The following ZNF385D variants were observed in gnomAD, a reference collection of about 807,000 sequenced individuals.
ZNF385D encodes the protein zinc finger protein 385D, also known as zinc finger protein 659.
In ZNF385D, 15 loss-of-function variants were observed where a neutral mutation model predicts 35.8. The ratio of observed to expected loss-of-function variants is 0.42; its 90% confidence interval spans 0.28 to 0.64. The LOEUF is 0.64. Ranked by LOEUF, ZNF385D falls within the 30% of genes least tolerant of loss-of-function variation. The pLI is 0.23. For missense variants in ZNF385D, 474 were observed against 494.6 expected (o/e 0.96, Z 0.39); for synonymous variants, 212 against 186.8 (o/e 1.13, Z -1.10).
chr3:21,504,936 CAGTT>C (rs1408066267), intron 4 of ZNF385D, among the ~76,000 whole-genome samples: 1 of 152,048 alleles, frequency 6.6e-6, no homozygotes, highest in African/African-American at 2.4e-5. Context: ...GGTGTGGAGG[CAGTT>C]AGACCTGCAT....
At chr3:21,959,750 T>A (rs1419959296) in intron 3 of ZNF385D, among the ~76,000 whole-genome samples, 3 of 152,138 alleles carry the variant, frequency 2.0e-5, no homozygotes, top group Admixed American at 6.5e-5. Context: ...GAAGGTAACT[T>A]ATTTAACTGC....
At chr3:22,058,870 T>C (rs979039833) in intron 3 of ZNF385D, among the ~76,000 whole-genome samples, 1 of 152,218 alleles carries the variant, frequency 6.6e-6, no homozygotes, top group Non-Finnish European at 1.5e-5. Flanking sequence ...TGGGGACCAC[T>C]ATCCACCTCC....
At position 22,063,031 on chromosome 3, in the gene ZNF385D, AT is replaced by A. The variant is rs528368566; in HGVS notation, c.325+105785del. Among the ~76,000 whole-genome samples, 1,172 of 151,874 alleles carry A rather than the reference AT, an allele frequency of 7.7e-3. 12 individuals are homozygous for A. Among genetic ancestry groups the A allele is most frequent in the African/African-American group, 0.026 (1,084 of 41,426 alleles). On this transcript the variant is annotated intron_variant, in intron 3 of 5. Transcript: ENST00000494108. The stretch of plus-strand genomic sequence containing the variant: ...TGACTCACAGAAATTACACGGGATA[AT>A]TTTTTTTTATTTAATCCATTAATCT...
intron 3 of ZNF385D, among the ~76,000 whole-genome samples, chr3:22,028,618 T>C (rs1246675537): frequency 6.6e-6 from 1 of 152,218 alleles, no homozygotes; most frequent in Non-Finnish European, 1.5e-5. Flanking sequence ...GGTTTGCCTA[T>C]CCTGCACACA....
chr3:21,653,767 T>C (rs2065991876), intron 2 of ZNF385D, among the ~76,000 whole-genome samples: 1 of 151,616 alleles, frequency 6.6e-6, no homozygotes, highest in Non-Finnish European at 1.5e-5. Context: ...AGTAGAACTA[T>C]CCGGAAAAAA....
chr3:22,352,467 G>T (rs1195497643), intron 2 of ZNF385D, among the ~76,000 whole-genome samples: 7 of 152,184 alleles, frequency 4.6e-5, no homozygotes. Flanking sequence ...TGAAAAATGT[G>T]ATTCACAGCC....
At chr3:21,901,922 T>C (rs1699435578) in intron 3 of ZNF385D, among the ~76,000 whole-genome samples, 1 of 152,156 alleles carries the variant, frequency 6.6e-6, no homozygotes, top group East Asian at 1.9e-4. Flanking sequence ...AAAACTACCA[T>C]GTTTAGTTCC....
intron 3 of ZNF385D, among the ~76,000 whole-genome samples, chr3:21,964,062 T>C (rs1702744659): frequency 6.6e-6 from 1 of 152,106 alleles, no homozygotes; most frequent in Non-Finnish European, 1.5e-5. Context: ...CTTTGGAATA[T>C]AATAAAAGGT....
intron 2 of ZNF385D, among the ~76,000 whole-genome samples, chr3:22,341,397 A>G (rs1695413994): frequency 6.6e-6 from 1 of 152,134 alleles, no homozygotes; most frequent in Admixed American, 6.5e-5. Context: ...TGTGACAGAG[A>G]TCATAGGGCC....
intron 2 of ZNF385D, among the ~76,000 whole-genome samples, chr3:22,283,362 A>T (rs569559738): frequency 6.6e-6 from 1 of 152,284 alleles, no homozygotes; most frequent in East Asian, 1.9e-4. Context: ...CATTCTACCC[A>T]ACAACTGCAG....
intron 3 of ZNF385D, among the ~76,000 whole-genome samples, chr3:21,996,947 C>T (rs9310677): frequency 0.072 from 11,008 of 151,942 alleles, 1,291 homozygotes; most frequent in African/African-American, 0.25. Flanking sequence ...TGTTTCCAAA[C>T]GACAAATATA....
At chr3:21,560,672 G>C (rs894259713) in intron 3 of ZNF385D, among the ~76,000 whole-genome samples, 1 of 152,210 alleles carries the variant, frequency 6.6e-6, no homozygotes, top group Non-Finnish European at 1.5e-5. Flanking sequence ...CTCGAACGCT[G>C]TGCTGGGAGA....
chr3:22,060,527 G>A (rs1363555732), intron 3 of ZNF385D, among the ~76,000 whole-genome samples: 1 of 152,058 alleles, frequency 6.6e-6, no homozygotes, highest in Non-Finnish European at 1.5e-5. Context: ...TTTTCATTTT[G>A]TAAAGCATGT....
intron 2 of ZNF385D, among the ~76,000 whole-genome samples, chr3:22,368,154 CAT>C (rs759162118): frequency 1.8e-4 from 27 of 152,236 alleles, no homozygotes; most frequent in African/African-American, 6.0e-4. Context: ...AAATTAAACA[CAT>C]GTTAGGATGA....
At chr3:22,143,787 A>G (rs989610838) in intron 3 of ZNF385D, among the ~76,000 whole-genome samples, 1 of 152,194 alleles carries the variant, frequency 6.6e-6, no homozygotes. Context: ...TTTCATTTGG[A>G]GTTTGAATTC....
intron 2 of ZNF385D, among the ~76,000 whole-genome samples, chr3:21,660,593 T>C (rs2066208604): frequency 6.6e-6 from 1 of 152,110 alleles, no homozygotes; most frequent in Non-Finnish European, 1.5e-5. Flanking sequence ...ATACATATGT[T>C]AGAGAAATAA....
At chr3:21,644,974 G>A (rs1387822) in intron 2 of ZNF385D, among the ~76,000 whole-genome samples, 90,233 of 152,002 alleles carry the variant, frequency 0.59, 28,106 homozygotes, top group Non-Finnish European at 0.68. Context: ...CTGATTACAC[G>A]AAATAAAAGT....
At chr3:22,184,182 G>A (rs995378890) in intron 2 of ZNF385D, among the ~76,000 whole-genome samples, 1 of 152,010 alleles carries the variant, frequency 6.6e-6, no homozygotes, top group Admixed American at 6.6e-5. Flanking sequence ...CTCTGACTCT[G>A]TTCTCCCATT....
At chr3:22,323,679 A>C (rs1455608941) in intron 2 of ZNF385D, among the ~76,000 whole-genome samples, 2 of 152,236 alleles carry the variant, frequency 1.3e-5, no homozygotes, top group East Asian at 1.9e-4. Flanking sequence ...CAAAAATTCT[A>C]CAGAACATCT....
Sources: allele counts gnomAD v4.1 joint callset (sites outside exome capture counted in the v4.1 genomes callset), GRCh38; gene constraint gnomAD v4.1.1; transcripts MANE v1.5; gene names NCBI Gene and HGNC (gene_info 2026-07-23, HGNC 2026-07-21).